NCK1: variants seen among roughly 807,000 people sequenced by gnomAD.
The protein encoded by NCK1 is SH2/SH3 adapter protein NCK1.
A neutral mutation model predicts 36.6 loss-of-function variants in NCK1; 19 were observed. The observed-to-expected ratio is 0.52, with a 90% CI of 0.36 to 0.76. The LOEUF (loss-of-function observed/expected upper bound fraction) is 0.76, where lower values mean the gene tolerates loss of function less well. Among genes scored for constraint, NCK1 ranks in the 30% least tolerant of loss-of-function variants. The probability of loss-of-function intolerance (pLI) is 0.00; values close to 1 mark genes in which losing one functional copy is unlikely to be tolerated. For missense variants in NCK1, 358 were observed against 445.6 expected (o/e 0.80, Z 1.77); for synonymous variants, 165 against 156.0 (o/e 1.06, Z -0.43).
intron 1 of NCK1, among the ~76,000 whole-genome samples, chr3:136,890,071 C>T (rs1472876944): frequency 6.6e-6 from 1 of 152,164 alleles, no homozygotes; most frequent in Admixed American, 6.5e-5. Context: ...GTTGGGGAGG[C>T]TCGGGCGGCA....
intron 1 of NCK1, among the ~76,000 whole-genome samples, chr3:136,916,896 C>T (rs534115342): frequency 2.5e-4 from 38 of 152,112 alleles, no homozygotes; most frequent in South Asian, 2.1e-4. Context: ...TGATCACTAA[C>T]GGCAGAGCAG....
At chr3:136,882,885 C>T (rs1007987368) in intron 1 of NCK1, among the ~76,000 whole-genome samples, 19 of 152,106 alleles carry the variant, frequency 1.2e-4, no homozygotes, top group East Asian at 1.9e-4. Context: ...TCTTTCACAG[C>T]GTGTGTTGGA....
intron 2 of NCK1, among the ~76,000 whole-genome samples, chr3:136,931,843 GGCGTGGCA>G (rs1940398174): frequency 6.6e-6 from 1 of 152,124 alleles, no homozygotes; most frequent in Non-Finnish European, 1.5e-5. Context: ...ATTGTGGCTA[GGCGTGGCA>G]GCTCAAGCCT....
At chr3:136,865,204 C>T (rs1388209129) in intron 1 of NCK1, among the ~76,000 whole-genome samples, 1 of 152,136 alleles carries the variant, frequency 6.6e-6, no homozygotes, top group Non-Finnish European at 1.5e-5. Context: ...GATCCACCTG[C>T]CTCGGCCTCC....
rs1940942593 is a variant in NCK1 at position 136,950,399 on chromosome 3, A to G, written c.*1946A>G. ...GTAGTAGCACTGGAAACAGAATGCA[A>G]ATTTCTGTTCCATAATTAGGTTTAT... On this transcript the variant is annotated 3_prime_UTR_variant, in exon 4 of 4. Transcript: ENST00000481752. Among the ~76,000 whole-genome samples the G allele has an allele frequency of 1.3e-5, 2 of 152,166 alleles. No individual in the cohort carries two copies. The highest frequency in any genetic ancestry group is 2.4e-5 in the African/African-American group (1 of 41,456).
intron 2 of NCK1, among the ~76,000 whole-genome samples, chr3:136,936,223 T>C (rs548502868): frequency 1.3e-5 from 2 of 152,132 alleles, no homozygotes; most frequent in South Asian, 4.2e-4. Flanking sequence ...GTATTTTTAG[T>C]AGAGATGGGG....
rs1157451657 is a variant in NCK1 at position 136,867,048 on chromosome 3, TTTTCTTTCTTTCTTTC to T, written c.-19+4751_-19+4766del. Among the ~76,000 whole-genome samples, 10 of 33,658 alleles carry T rather than the reference TTTTCTTTCTTTCTTTC, an allele frequency of 3.0e-4. 2 individuals carry two copies. The highest frequency in any genetic ancestry group is 9.3e-4 in the African/African-American group (10 of 10,744). The allele number at this position is 33,658 out of a possible 152,430, so 22.1% of individuals were successfully genotyped here. Reference sequence around the variant, plus strand: ...TTTTCCTGTTCCCTATGTTGCTTGCTTTTCTTTCTTTCTTTCTTTCTTTCTTTCTTTCTTTCTTTCT... The same window carrying T: ...TTTTCCTGTTCCCTATGTTGCTTGCTTTTCTTTCTTTCTTTCTTTCTTTCT... On this transcript the variant is annotated intron_variant, in intron 1 of 3. Coordinates refer to ENST00000481752, the MANE Select transcript of NCK1 (RefSeq NM_001291999.2).
intron 1 of NCK1, among the ~76,000 whole-genome samples, chr3:136,892,679 A>G (rs148924316): frequency 9.9e-4 from 150 of 151,748 alleles, no homozygotes; most frequent in Admixed American, 5.8e-3. Context: ...CCTGTTTTAG[A>G]CTTAATGACC....
intron 1 of NCK1, among the ~76,000 whole-genome samples, chr3:136,921,759 A>G (rs1940116423): frequency 6.6e-6 from 1 of 152,178 alleles, no homozygotes; most frequent in African/African-American, 2.4e-5. Flanking sequence ...GCTAAGGGAA[A>G]GACACTGCTA....
rs1172633221 is a variant in NCK1 at position 136,867,177 on chromosome 3, CTTCT to C, written c.-19+4835_-19+4838del. On this transcript the variant is annotated intron_variant, in intron 1 of 3. Transcript: ENST00000481752. ...CCTTCCTTCCTTCCTTCCTTCCTTC[CTTCT>C]TTCTTTCTTTTCTTTCTTTTCCCTT... Among the ~76,000 whole-genome samples the C allele has an allele frequency of 2.7e-3, 68 of 25,586 alleles. 3 individuals carry two copies. The highest frequency in any genetic ancestry group is 7.0e-3 in the African/African-American group (65 of 9,316). The allele number at this position is 25,586 out of a possible 152,430, so 16.8% of individuals were successfully genotyped here. A position where few individuals can be genotyped will look rare whatever the true frequency, so the allele number is the denominator to read the frequency against.
At chr3:136,898,192 T>G (rs1404669548) in intron 1 of NCK1, among the ~76,000 whole-genome samples, 1 of 151,974 alleles carries the variant, frequency 6.6e-6, no homozygotes, top group Non-Finnish European at 1.5e-5. Context: ...GGTCAGGAGT[T>G]CAAGACCAGC....
intron 1 of NCK1, among the ~76,000 whole-genome samples, chr3:136,882,547 C>CTGTGTGTGTGTG (rs35463509): frequency 2.7e-4 from 39 of 143,490 alleles, no homozygotes; most frequent in African/African-American, 6.5e-4. Context: ...TCCCACATCA[C>CTGTGTGTGTGTG]TGTGTGTGTG....
intron 1 of NCK1, among the ~76,000 whole-genome samples, chr3:136,896,681 G>A (rs1939400681): frequency 6.6e-6 from 1 of 152,042 alleles, no homozygotes; most frequent in African/African-American, 2.4e-5. Context: ...AATTTTTTTT[G>A]TAGAAATGGG....
intron 1 of NCK1, among the ~76,000 whole-genome samples, chr3:136,866,552 A>C (rs552053969): frequency 6.6e-6 from 1 of 151,440 alleles, no homozygotes; most frequent in Non-Finnish European, 1.5e-5. Context: ...GGTGATCTAC[A>C]CATCTCAGCC....
intron 1 of NCK1, among the ~76,000 whole-genome samples, chr3:136,923,168 T>C (rs1316563585): frequency 6.6e-6 from 1 of 152,036 alleles, no homozygotes; most frequent in Non-Finnish European, 1.5e-5. Flanking sequence ...TGGGGGTAGA[T>C]AAAAATTAGA....
chr3:136,930,670 G>T, intron 2 of NCK1: 1 of 1,228,022 alleles, frequency 8.1e-7, no homozygotes, highest in South Asian at 2.2e-5. Flanking sequence ...TAAATTTAAA[G>T]GAAAACTCTT....
chr3:136,885,904 C>T (rs1939062654), intron 1 of NCK1, among the ~76,000 whole-genome samples: 1 of 152,102 alleles, frequency 6.6e-6, no homozygotes, highest in Admixed American at 6.6e-5. Context: ...TAAAAGCTTC[C>T]ATAGACATAA....
At chr3:136,880,294 A>G (rs895791200) in intron 1 of NCK1, among the ~76,000 whole-genome samples, 5 of 152,016 alleles carry the variant, frequency 3.3e-5, no homozygotes, top group African/African-American at 1.2e-4. Flanking sequence ...CAAAAAAAAA[A>G]AAAGAATGTG....
intron 2 of NCK1, among the ~76,000 whole-genome samples, chr3:136,941,902 G>A (rs774176911): frequency 2.0e-5 from 3 of 152,046 alleles, no homozygotes; most frequent in African/African-American, 7.2e-5. Flanking sequence ...ACAGTGGTGC[G>A]GTCTTGGCTC....
Sources: gnomAD v4.1 joint callset for allele counts (sites outside exome capture counted in the v4.1 genomes callset) on GRCh38, gnomAD v4.1.1 for gene constraint, MANE v1.5 for transcripts, NCBI Gene and HGNC (gene_info 2026-07-23, HGNC 2026-07-21) for gene names.